Variants in PIP5K1A observed in about 807,000 individuals in gnomAD.
PIP5K1A encodes phosphatidylinositol-4-phosphate 5-kinase type 1 alpha.
PIP5K1A carries 46 observed loss-of-function variants against 72.9 expected under a neutral mutation model. The ratio of observed to expected loss-of-function variants is 0.63; its 90% CI spans 0.50 to 0.81. The LOEUF is 0.81. Ranked by LOEUF, PIP5K1A falls within the 30% of genes least tolerant of loss-of-function variation. The probability of loss-of-function intolerance (pLI) is 0.00; values close to 1 mark genes in which losing one functional copy is unlikely to be tolerated. For synonymous variants in PIP5K1A, 228 were observed against 255.1 expected (o/e 0.89, Z 1.01); for missense variants, 458 against 706.1 (o/e 0.65, Z 3.98).
intron 1 of PIP5K1A, among the ~76,000 whole-genome samples, chr1:151,217,233 C>G (rs1172577097): frequency 6.6e-6 from 1 of 152,030 alleles, no homozygotes; most frequent in Non-Finnish European, 1.5e-5. Context: ...ATCTAGTATT[C>G]AAACCTAGCA....
intron 7 of PIP5K1A, among the ~76,000 whole-genome samples, 176 bp from the exon 8 acceptor site, chr1:151,234,021 C>T (rs1356082228): frequency 6.6e-6 from 1 of 152,042 alleles, no homozygotes; most frequent in Non-Finnish European, 1.5e-5. Context: ...GGTGAACTTA[C>T]CATTGAAATA....
intron 12 of PIP5K1A, among the ~76,000 whole-genome samples, chr1:151,241,206 T>G (rs1255364747): frequency 6.6e-6 from 1 of 150,784 alleles, no homozygotes; most frequent in Non-Finnish European, 1.5e-5. Flanking sequence ...AGGATACTAT[T>G]AAAGAAAAAG....
At chr1:151,212,120 A>G (rs1686912393) in intron 1 of PIP5K1A, among the ~76,000 whole-genome samples, 1 of 152,090 alleles carries the variant, frequency 6.6e-6, no homozygotes, top group South Asian at 2.1e-4. Flanking sequence ...TCAAAAAAAA[A>G]AAAAGATTTT....
Position 151,226,887 on chromosome 1 carries a change from T to C in PIP5K1A, c.157-433T>C, listed in dbSNP as rs958055805. Reference sequence around the variant, plus strand: ...ACTAAAAATACAAAAATTAGTCAGGTGTGGTGGTGTGCACCTATAATCCCA... The same window carrying C: ...ACTAAAAATACAAAAATTAGTCAGGCGTGGTGGTGTGCACCTATAATCCCA... On this transcript the variant is annotated intron_variant, in intron 3 of 15. Coordinates refer to ENST00000368888, the MANE Select transcript of PIP5K1A (RefSeq NM_001135638.2). 3.3e-5 allele frequency among the ~76,000 whole-genome samples: 5 copies of C among 151,598 alleles called. No homozygotes were observed. In the East Asian group the frequency reaches 7.8e-4, roughly 24 times the overall value.
At chr1:151,220,473 CTT>C (rs879399637) in intron 1 of PIP5K1A, among the ~76,000 whole-genome samples, 1 of 143,596 alleles carries the variant, frequency 7.0e-6, no homozygotes, top group African/African-American at 2.5e-5. Flanking sequence ...TACCACCTAG[CTT>C]TTTTTTTTTT....
chr1:151,236,222 A>G lies in PIP5K1A; in HGVS notation c.940-336A>G, dbSNP rs115012469. On this transcript the variant is annotated intron_variant, in intron 8 of 15. Coordinates refer to ENST00000368888, the MANE Select transcript of PIP5K1A (RefSeq NM_001135638.2). The stretch of plus-strand genomic sequence containing the variant: ...AAGCCAGGCGTGGTGGCTCATACCA[A>G]TAGTCCCAGCACTTTGGAAGACTGA... Among the ~76,000 whole-genome samples, 685 of 151,980 alleles carry G rather than the reference A, an allele frequency of 4.5e-3. 5 individuals are homozygous for G. The highest frequency in any genetic ancestry group is 0.016 in the African/African-American group (649 of 41,444).
intron 1 of PIP5K1A, among the ~76,000 whole-genome samples, chr1:151,207,809 G>A (rs1018123198): frequency 5.3e-5 from 8 of 150,788 alleles, no homozygotes; most frequent in South Asian, 2.1e-4. Flanking sequence ...GGATGATTAC[G>A]GGCATGAGGC....
intron 1 of PIP5K1A, chr1:151,215,869 A>T: frequency 1.7e-6 from 1 of 598,584 alleles, no homozygotes; most frequent in Non-Finnish European, 2.9e-6. Flanking sequence ...TCATAATTTT[A>T]AACTTTAGAG....
In PIP5K1A at chr1:151,236,793, G is replaced by T. The variant is rs1690926935; in HGVS notation, c.1145+30G>T. Reference sequence around the variant, plus strand: ...GTGGGCTCAGGGCCACTAGGGGGGAGAACATAGGCCCACAGCACTTTTCTT... The same window carrying T: ...GTGGGCTCAGGGCCACTAGGGGGGATAACATAGGCCCACAGCACTTTTCTT... On this transcript the variant is annotated intron_variant, in intron 9 of 15. Coordinates refer to ENST00000368888, the MANE Select transcript of PIP5K1A (RefSeq NM_001135638.2). 57 of 1,148,530 alleles carry T rather than the reference G, an allele frequency of 5.0e-5. No individual in the cohort carries two copies. In the East Asian group the frequency reaches 5.2e-4, roughly 10 times the overall value. The allele number at this position is 1,148,530 out of a possible 1,614,324, so 71.1% of individuals were successfully genotyped here. A position where few individuals can be genotyped will look rare whatever the true frequency, so the allele number is the denominator to read the frequency against.
intron 14 of PIP5K1A, among the ~76,000 whole-genome samples, chr1:151,245,515 G>A (rs995233866): frequency 6.6e-6 from 1 of 152,074 alleles, no homozygotes; most frequent in Non-Finnish European, 1.5e-5. Context: ...TGCCCAGGCT[G>A]GAGTACAGTG....
In PIP5K1A at chr1:151,198,721, A is replaced by AT; in HGVS notation, c.-276_-275insT. ...AGGTCCCAGCAGCCAGCTTAAGCTT[A>AT]CTCTTCTGTGAAAGGGGAAAGTATC... On this transcript the variant is annotated 5_prime_UTR_variant, in exon 1 of 16. It removes the in-frame stop codon of an upstream open reading frame in the 5' UTR. Transcript: ENST00000368888. The AT allele has an allele frequency of 1.9e-6, 1 of 518,638 alleles. No homozygotes were observed. 32.1% of individuals were successfully genotyped at this position (518,638 alleles called of 1,614,324 possible). A position where few individuals can be genotyped will look rare whatever the true frequency, so the allele number is the denominator to read the frequency against.
intron 7 of PIP5K1A, among the ~76,000 whole-genome samples, chr1:151,232,925 C>T (rs1393537712): frequency 6.6e-6 from 1 of 151,960 alleles, no homozygotes; most frequent in African/African-American, 2.4e-5. Context: ...ATGGTGAAAC[C>T]TCGTCTTTAC....
At chr1:151,235,838 C>A (rs1690763421) in intron 8 of PIP5K1A, among the ~76,000 whole-genome samples, 1 of 152,070 alleles carries the variant, frequency 6.6e-6, no homozygotes, top group Non-Finnish European at 1.5e-5. Flanking sequence ...TAAAGACTAA[C>A]CAGGCCGGGC....
At chr1:151,225,423 T>C (rs764209401) in intron 3 of PIP5K1A, among the ~76,000 whole-genome samples, 6 of 152,054 alleles carry the variant, frequency 3.9e-5, no homozygotes, top group Non-Finnish European at 8.8e-5. Flanking sequence ...GCATTTTGGC[T>C]CTTGGGGATA....
chr1:151,224,342 T>G, intron 2 of PIP5K1A, 29 bp from the exon 3 acceptor site: 4 of 1,609,728 alleles, frequency 2.5e-6, no homozygotes, highest in Non-Finnish European at 3.4e-6. Flanking sequence ...GGAACCTGTT[T>G]ATGACATTTT....
rs1690083991 is a variant in PIP5K1A at position 151,231,605 on chromosome 1, C to G, written c.238-66C>G. Reference sequence around the variant, plus strand: ...AAGTGTTCCTTCTAGCTTCCCCTTTCTGAATTTTTATTGTTATGATCCTAC... The same window carrying G: ...AAGTGTTCCTTCTAGCTTCCCCTTTGTGAATTTTTATTGTTATGATCCTAC... On this transcript the variant is annotated intron_variant, in intron 4 of 15. Coordinates refer to ENST00000368888, the MANE Select transcript of PIP5K1A (RefSeq NM_001135638.2). 3 of 1,434,926 alleles carry G rather than the reference C, an allele frequency of 2.1e-6. No homozygotes were observed. In the East Asian group the frequency reaches 6.8e-5, roughly 33 times the overall value. 88.9% of individuals were successfully genotyped at this position (1,434,926 alleles called of 1,614,324 possible). A position where few individuals can be genotyped will look rare whatever the true frequency, so the allele number is the denominator to read the frequency against.
In PIP5K1A at chr1:151,226,882, T is replaced by G. The variant is rs11800715; in HGVS notation, c.157-438T>G. ...TCTCTACTAAAAATACAAAAATTAG[T>G]CAGGTGTGGTGGTGTGCACCTATAA... On this transcript the variant is annotated intron_variant, in intron 3 of 15. Transcript: ENST00000368888. Among the ~76,000 whole-genome samples, 903 of 148,078 alleles carry G rather than the reference T, an allele frequency of 6.1e-3. 14 individuals carry two copies. Among genetic ancestry groups the G allele is most frequent in the African/African-American group, 0.022 (862 of 39,898 alleles).
upstream of PIP5K1A, among the ~76,000 whole-genome samples, chr1:151,197,128 C>T (rs587639776): frequency 2.2e-4 from 33 of 152,076 alleles, no homozygotes; most frequent in African/African-American, 8.0e-4. Context: ...TCCCAAAGTG[C>T]TGGAATTTCA....
intron 1 of PIP5K1A, among the ~76,000 whole-genome samples, chr1:151,221,089 G>C (rs1385115033): frequency 1.3e-5 from 2 of 151,624 alleles, no homozygotes; most frequent in Non-Finnish European, 2.9e-5. Context: ...TATTCCATTT[G>C]GTTATTTCTC....
Sources: gnomAD v4.1 joint callset for allele counts (sites outside exome capture counted in the v4.1 genomes callset) on GRCh38, gnomAD v4.1.1 for gene constraint, MANE v1.5 for transcripts, NCBI Gene and HGNC (gene_info 2026-07-23, HGNC 2026-07-21) for gene names.